Variants in SESTD1 observed in about 807,000 individuals in gnomAD.
The protein encoded by SESTD1 is SEC14 and spectrin domain containing 1.
Under a neutral mutation model 101.7 loss-of-function variants are expected in SESTD1, and 43 were observed. The ratio of observed to expected loss-of-function variants is 0.42; its 90% CI spans 0.33 to 0.55. SESTD1 has a LOEUF of 0.55. Among genes scored for constraint, SESTD1 ranks in the 20% least tolerant of loss-of-function variants. The pLI is 0.07. For synonymous variants in SESTD1, 283 were observed against 286.8 expected (o/e 0.99, Z 0.13); for missense variants, 647 against 815.1 (o/e 0.79, Z 2.51).
intron 8 of SESTD1, among the ~76,000 whole-genome samples, chr2:179,145,584 A>G (rs753684967): frequency 7.9e-5 from 12 of 152,236 alleles, no homozygotes; most frequent in Non-Finnish European, 1.6e-4. Flanking sequence ...AGTTTGTGAA[A>G]CTGCTACTAG....
Position 179,115,110 on chromosome 2 carries a change from T to C in SESTD1, c.1794A>G (p.Val598=). The change falls in exon 16 of 18, where the codon GTA becomes GTG. Residue 598 remains valine (V), a synonymous_variant. Coordinates refer to ENST00000428443, the MANE Select transcript of SESTD1 (RefSeq NM_178123.5). ...KQFTIASEER[V]HRLEMAIAFH... is the part of the protein sequence containing the mutation. ...ATGCAATAGCCATTTCCAATCTATG[T>C]ACTCTCTCTTCAGATGCTATTGTAA... is the stretch of plus-strand genomic sequence containing the variant. 2 of 1,611,304 alleles carry C rather than the reference T, an allele frequency of 1.2e-6. No homozygotes were observed. Among genetic ancestry groups the C allele is most frequent in the East Asian group, 4.5e-5 (2 of 44,870 alleles).
At chr2:179,153,296 T>C (rs947887433) in intron 5 of SESTD1, among the ~76,000 whole-genome samples, 2 of 152,196 alleles carry the variant, frequency 1.3e-5, no homozygotes, top group African/African-American at 2.4e-5. Context: ...CTGCAATCAC[T>C]TGATGAGGAA....
intron 9 of SESTD1, among the ~76,000 whole-genome samples, chr2:179,132,727 C>T (rs906455553): frequency 2.0e-5 from 3 of 152,134 alleles, no homozygotes; most frequent in East Asian, 1.9e-4. Flanking sequence ...AATTAACTTA[C>T]GAAAAGAGAA....
rs191171457 is a variant in SESTD1, at chr2:179,206,387, C to T, written c.-25-14521G>A. ...CTGAACACACATCCCCACTGGGGAACCCAAAAATCCAGATCATGGGAGAAG... is the reference window on the plus strand; with the variant it reads ...CTGAACACACATCCCCACTGGGGAATCCAAAAATCCAGATCATGGGAGAAG... On this transcript the variant is annotated intron_variant, in intron 1 of 17. Coordinates refer to ENST00000428443, the MANE Select transcript of SESTD1 (RefSeq NM_178123.5). 7.5e-4 allele frequency among the ~76,000 whole-genome samples: 102 copies of T among 136,292 alleles called. 23 individuals are homozygous for T. In the Middle Eastern group the frequency reaches 0.017, roughly 23 times the overall value. The allele number at this position is 136,292 out of a possible 152,430, so 89.4% of individuals were successfully genotyped here.
intron 1 of SESTD1, among the ~76,000 whole-genome samples, chr2:179,206,645 A>G (rs566386044): frequency 6.7e-5 from 9 of 134,960 alleles, no homozygotes; most frequent in Admixed American, 1.4e-4. Flanking sequence ...AATAATTGCA[A>G]CTGAGCACAA....
chr2:179,112,023 C>T (rs16866642), intron 17 of SESTD1, among the ~76,000 whole-genome samples: 6,738 of 152,180 alleles, frequency 0.044, 504 homozygotes, highest in African/African-American at 0.15. Flanking sequence ...CCGGCTGAAG[C>T]TCTTCCTGAT....
chr2:179,177,880 G>A (rs902831226), intron 3 of SESTD1, among the ~76,000 whole-genome samples: 6 of 152,146 alleles, frequency 3.9e-5, no homozygotes, highest in Non-Finnish European at 8.8e-5. Context: ...AAAGAATGAA[G>A]TACTGACAGT....
chr2:179,245,274 T>C (rs961233888), intron 1 of SESTD1, among the ~76,000 whole-genome samples: 2 of 152,114 alleles, frequency 1.3e-5, no homozygotes, highest in Admixed American at 6.5e-5. Flanking sequence ...CCCAGCACTT[T>C]AGGAGGCTGA....
At chr2:179,176,304 C>A in intron 4 of SESTD1, 144 bp downstream of exon 4, 1 of 635,972 alleles carries the variant, frequency 1.6e-6, no homozygotes, top group Middle Eastern at 2.5e-4. Context: ...TTTGAACAAT[C>A]CAATAGTGAT....
chr2:179,257,340 A>T (rs1367152911), intron 1 of SESTD1, among the ~76,000 whole-genome samples: 1 of 152,260 alleles, frequency 6.6e-6, no homozygotes, highest in East Asian at 1.9e-4. Context: ...AAAAGATTAC[A>T]ACTCACTTAG....
chr2:179,193,652 C>A lies in SESTD1; in HGVS notation c.-25-1786G>T, dbSNP rs142053843. On this transcript the variant is annotated intron_variant, in intron 1 of 17. Coordinates refer to ENST00000428443, the MANE Select transcript of SESTD1 (RefSeq NM_178123.5). ...TTTCTTTTTATTATCTTAGTCTTCA[C>A]AACATTTCTACAAGGTAGGTACTAT... is the stretch of plus-strand genomic sequence containing the variant. 4.0e-3 allele frequency among the ~76,000 whole-genome samples: 605 copies of A among 152,274 alleles called. 1 individual carries two copies. The highest frequency in any genetic ancestry group is 6.0e-3 in the Non-Finnish European group (405 of 68,014).
rs911566633 is a variant in SESTD1 at position 179,202,094 on chromosome 2, G to T, written c.-25-10228C>A. Among the ~76,000 whole-genome samples the T allele has an allele frequency of 2.9e-4, 38 of 132,970 alleles. 8 individuals carry two copies. Among genetic ancestry groups the T allele is most frequent in the African/African-American group, 1.1e-3 (37 of 33,626 alleles). 87.2% of individuals were successfully genotyped at this position (132,970 alleles called of 152,430 possible). A position where few individuals can be genotyped will look rare whatever the true frequency, so the allele number is the denominator to read the frequency against. Reference sequence around the variant, plus strand: ...GATTAAGTTGGTTATAAATGAAAGGGAATTATTTAGGATAGTCTTTCTAAC... The same window carrying T: ...GATTAAGTTGGTTATAAATGAAAGGTAATTATTTAGGATAGTCTTTCTAAC... On this transcript the variant is annotated intron_variant, in intron 1 of 17. Coordinates refer to ENST00000428443, the MANE Select transcript of SESTD1 (RefSeq NM_178123.5).
At chr2:179,231,200 G>A (rs951466942) in intron 1 of SESTD1, among the ~76,000 whole-genome samples, 5 of 151,958 alleles carry the variant, frequency 3.3e-5, no homozygotes, top group African/African-American at 1.2e-4. Context: ...CTAACCAATA[G>A]GTAAACTTCA....
intron 2 of SESTD1, among the ~76,000 whole-genome samples, chr2:179,186,278 C>T (rs542614599): frequency 2.4e-4 from 37 of 152,124 alleles, no homozygotes; most frequent in African/African-American, 7.2e-4. Context: ...ACTCAACGAT[C>T]TAAACTCCAG....
chr2:179,194,999 G>C (rs1008882680), intron 1 of SESTD1, among the ~76,000 whole-genome samples: 6 of 152,158 alleles, frequency 3.9e-5, no homozygotes, highest in African/African-American at 1.4e-4. Context: ...AACAGAATAA[G>C]GGGAACAGAG....
chr2:179,179,052 C>T (rs968770285), intron 3 of SESTD1, among the ~76,000 whole-genome samples: 1 of 152,162 alleles, frequency 6.6e-6, no homozygotes, highest in African/African-American at 2.4e-5. Context: ...TGAAAATACA[C>T]AGAATCCAAA....
In SESTD1 at chr2:179,138,155, A is replaced by T. The variant is rs141288164; in HGVS notation, c.849+5437T>A. On this transcript the variant is annotated intron_variant, in intron 9 of 17. Transcript: ENST00000428443. Reference sequence around the variant, plus strand: ...ACCAGTTTTTAACAGTAATCTCGTTACCATCATCACCATCATTATAAATAT... The same window carrying T: ...ACCAGTTTTTAACAGTAATCTCGTTTCCATCATCACCATCATTATAAATAT... Among the ~76,000 whole-genome samples the T allele has an allele frequency of 5.9e-5, 9 of 152,318 alleles. No individual in the cohort carries two copies. In the East Asian group the frequency reaches 1.7e-3, roughly 29 times the overall value.
At chr2:179,198,808 G>A (rs991365418) in intron 1 of SESTD1, among the ~76,000 whole-genome samples, 5 of 151,938 alleles carry the variant, frequency 3.3e-5, no homozygotes, top group African/African-American at 1.2e-4. Flanking sequence ...TCAAAGCAGT[G>A]TGTAGAGGGA....
At chr2:179,134,812 A>C (rs1001312369) in intron 9 of SESTD1, among the ~76,000 whole-genome samples, 1 of 152,184 alleles carries the variant, frequency 6.6e-6, no homozygotes, top group Non-Finnish European at 1.5e-5. Flanking sequence ...AAGGTATACA[A>C]ACTATTGACT....
Sources: allele counts gnomAD v4.1 joint callset (sites outside exome capture counted in the v4.1 genomes callset), GRCh38; gene constraint gnomAD v4.1.1; transcripts MANE v1.5; gene names NCBI Gene and HGNC (gene_info 2026-07-23, HGNC 2026-07-21).